The following LRRC4C variants were observed in gnomAD, a reference collection of about 807,000 sequenced individuals.
LRRC4C encodes the protein leucine rich repeat containing 4C.
LRRC4C carries 5 observed loss-of-function variants against 33.6 expected under a neutral mutation model. The ratio of observed to expected loss-of-function variants is 0.15; its 90% CI spans 0.08 to 0.31. The LOEUF (loss-of-function observed/expected upper bound fraction) is 0.31. Among genes scored for constraint, LRRC4C ranks in the 10% least tolerant of loss-of-function variants. The probability of loss-of-function intolerance (pLI) is 1.00; values close to 1 mark genes in which losing one functional copy is unlikely to be tolerated. For synonymous variants in LRRC4C, 329 were observed against 302.0 expected, an observed-to-expected ratio of 1.09 and a Z score of -0.93; for missense variants, 560 against 796.7, an observed-to-expected ratio of 0.70 and a Z score of 3.58.
chr11:40,118,859 T>C (rs1346852124), intron 6 of LRRC4C, among the ~76,000 whole-genome samples: 1 of 152,152 alleles, frequency 6.6e-6, no homozygotes, highest in African/African-American at 2.4e-5. Context: ...ATCAGCTTTG[T>C]TTTGAAAAAT....
intron 1 of LRRC4C, among the ~76,000 whole-genome samples, chr11:41,268,153 C>T (rs141198414): frequency 1.7e-3 from 256 of 152,258 alleles, no homozygotes; most frequent in African/African-American, 5.7e-3. Flanking sequence ...GTTGTGATTG[C>T]ACACAAAGCA....
intron 5 of LRRC4C, among the ~76,000 whole-genome samples, chr11:40,226,172 G>T (rs1295539433): frequency 6.6e-6 from 1 of 152,080 alleles, no homozygotes; most frequent in Non-Finnish European, 1.5e-5. Context: ...TACCAAAGTG[G>T]GTGTTTAATC....
intron 3 of LRRC4C, among the ~76,000 whole-genome samples, chr11:40,366,919 T>C (rs1948232489): frequency 6.6e-6 from 1 of 152,098 alleles, no homozygotes; most frequent in Non-Finnish European, 1.5e-5. Context: ...TCAGTGTTAG[T>C]TGTATCATTC....
At chr11:40,509,762 A>G (rs1213696215) in intron 3 of LRRC4C, among the ~76,000 whole-genome samples, 1 of 152,196 alleles carries the variant, frequency 6.6e-6, no homozygotes, top group Non-Finnish European at 1.5e-5. Flanking sequence ...ATAAGCAACC[A>G]TTTATTTGAA....
At position 40,588,535 on chromosome 11, in the gene LRRC4C, C is replaced by T. The variant is rs915237738; in HGVS notation, c.-270+59607G>A. On this transcript the variant is annotated intron_variant, in intron 3 of 6. Coordinates refer to ENST00000528697, the MANE Select transcript of LRRC4C (RefSeq NM_001258419.2). ...TTCTGCTAGCTTTTGAATGTGTTTGCTCTTGCTTTTCTAGTTCTTTTAATT... is the reference window on the plus strand; with the variant it reads ...TTCTGCTAGCTTTTGAATGTGTTTGTTCTTGCTTTTCTAGTTCTTTTAATT... Among the ~76,000 whole-genome samples the T allele has an allele frequency of 1.5e-4, 23 of 151,374 alleles. No individual in the cohort carries two copies. The East Asian group carries it at 2.9e-3, about 19-fold the overall frequency.
At chr11:41,072,803 C>T (rs1193233194) in intron 1 of LRRC4C, among the ~76,000 whole-genome samples, 1 of 152,162 alleles carries the variant, frequency 6.6e-6, no homozygotes, top group African/African-American at 2.4e-5. Flanking sequence ...CTCAATTTTT[C>T]TTTATATCCC....
chr11:41,195,931 G>A (rs1336792846), intron 1 of LRRC4C, among the ~76,000 whole-genome samples: 1 of 152,050 alleles, frequency 6.6e-6, no homozygotes, highest in Non-Finnish European at 1.5e-5. Flanking sequence ...TGAGAAGGAA[G>A]GAAGTCTCAT....
At chr11:41,411,381 C>T (rs1162083783) in intron 1 of LRRC4C, among the ~76,000 whole-genome samples, 1 of 151,528 alleles carries the variant, frequency 6.6e-6, no homozygotes, top group African/African-American at 2.4e-5. Context: ...ATCTCCTGAC[C>T]TTGTGATCCG....
At chr11:40,748,975 A>G (rs1237617269) in intron 2 of LRRC4C, among the ~76,000 whole-genome samples, 1 of 152,134 alleles carries the variant, frequency 6.6e-6, no homozygotes, top group Non-Finnish European at 1.5e-5. Flanking sequence ...GAGCACCCAG[A>G]TGTATAAAGC....
At chr11:40,722,905 C>A (rs1009716624) in intron 2 of LRRC4C, among the ~76,000 whole-genome samples, 2 of 152,032 alleles carry the variant, frequency 1.3e-5, no homozygotes, top group Admixed American at 1.3e-4. Context: ...TAAGAAAGAA[C>A]CCAAACTGAA....
intron 2 of LRRC4C, among the ~76,000 whole-genome samples, chr11:40,656,331 T>C (rs781132872): frequency 5.3e-5 from 8 of 151,884 alleles, no homozygotes; most frequent in Non-Finnish European, 1.0e-4. Context: ...TTCACACAAG[T>C]GTTTATATGA....
chr11:41,267,701 G>A (rs937890930), intron 1 of LRRC4C, among the ~76,000 whole-genome samples: 8 of 152,040 alleles, frequency 5.3e-5, no homozygotes, highest in Non-Finnish European at 1.0e-4. Flanking sequence ...AGAAAAGGAA[G>A]CTTAGATTTC....
chr11:40,854,694 AC>A (rs1953689522), intron 2 of LRRC4C, among the ~76,000 whole-genome samples: 1 of 151,346 alleles, frequency 6.6e-6, no homozygotes, highest in African/African-American at 2.4e-5. Flanking sequence ...GTGTAATTAA[AC>A]ACAAATATAT....
chr11:41,129,110 GAA>G (rs1942891024), intron 1 of LRRC4C, among the ~76,000 whole-genome samples: 1 of 151,874 alleles, frequency 6.6e-6, no homozygotes, highest in African/African-American at 2.4e-5. Context: ...GTTAGGAAAC[GAA>G]AGACATGTGA....
rs1188843890 is a variant in LRRC4C at position 40,854,089 on chromosome 11, C to T, written c.-407+79546G>A. Among the ~76,000 whole-genome samples, 4 of 152,272 alleles carry T rather than the reference C, an allele frequency of 2.6e-5. No individual in the cohort carries two copies. In the East Asian group the frequency reaches 7.7e-4, roughly 29 times the overall value. ...AAAAAAGAATGTATCTCAAATGCCT[C>T]GGCAGTGGCAGCTTCTATTCTTTCA... On this transcript the variant is annotated intron_variant, in intron 2 of 6. Transcript: ENST00000528697.
chr11:40,929,660 G>C (rs986957532), intron 2 of LRRC4C, among the ~76,000 whole-genome samples: 1 of 151,890 alleles, frequency 6.6e-6, no homozygotes, highest in African/African-American at 2.4e-5. Context: ...TGTCGCCCAG[G>C]CTGGAGTGCA....
intron 1 of LRRC4C, among the ~76,000 whole-genome samples, chr11:41,037,627 A>C: frequency 6.7e-6 from 1 of 148,326 alleles, no homozygotes; most frequent in South Asian, 2.2e-4. Flanking sequence ...TGCTCATACT[A>C]TCTCATTTAA....
chr11:41,274,636 G>C (rs1221260080), intron 1 of LRRC4C, among the ~76,000 whole-genome samples: 1 of 152,224 alleles, frequency 6.6e-6, no homozygotes, highest in South Asian at 2.1e-4. Flanking sequence ...CAGGACATGG[G>C]TGGGGACAAA....
chr11:40,982,407 T>G (rs1852608526), intron 1 of LRRC4C, among the ~76,000 whole-genome samples: 1 of 152,152 alleles, frequency 6.6e-6, no homozygotes, highest in Non-Finnish European at 1.5e-5. Context: ...ACATGTAAAA[T>G]GAAAGAAGAT....
Sources: gnomAD v4.1 joint callset for allele counts (sites outside exome capture counted in the v4.1 genomes callset) on GRCh38, gnomAD v4.1.1 for gene constraint, MANE v1.5 for transcripts, NCBI Gene and HGNC (gene_info 2026-07-23, HGNC 2026-07-21) for gene names.